Variants in ERP27 observed in about 807,000 individuals in gnomAD.
ERP27 encodes the protein endoplasmic reticulum resident protein 27.
A neutral mutation model predicts 27.7 loss-of-function variants in ERP27; 23 were observed. The ratio of observed to expected loss-of-function variants is 0.83; its 90% CI spans 0.60 to 1.18. ERP27 has a LOEUF of 1.18. Ranked by LOEUF, ERP27 falls within the 50% of genes most tolerant of loss-of-function variation. ERP27 has a pLI of 0.00. For synonymous variants in ERP27, 159 were observed against 118.3 expected (o/e 1.34, Z -2.23); for missense variants, 363 against 327.9 (o/e 1.11, Z -0.83).
chr12:14,929,090 G>C (rs1196546751), intron 3 of ERP27: 2 of 1,520,520 alleles, frequency 1.3e-6, no homozygotes, highest in East Asian at 2.4e-5. Flanking sequence ...GGAATTCCTA[G>C]GTCTGGTGCC....
intron 3 of ERP27, among the ~76,000 whole-genome samples, chr12:14,934,445 G>C (rs1283796521): frequency 6.6e-6 from 1 of 152,054 alleles, no homozygotes; most frequent in Non-Finnish European, 1.5e-5. Flanking sequence ...GGGCATACAG[G>C]AAGTATTTAA....
chr12:14,922,991 C>A (rs1863529940), intron 3 of ERP27, among the ~76,000 whole-genome samples: 1 of 151,202 alleles, frequency 6.6e-6, no homozygotes. Context: ...ATCACTTGAA[C>A]CCAGAAGGTG....
intron 3 of ERP27, among the ~76,000 whole-genome samples, chr12:14,931,077 A>T (rs1452811933): frequency 6.6e-6 from 1 of 152,214 alleles, no homozygotes; most frequent in Admixed American, 6.5e-5. Flanking sequence ...TGATTTGTAG[A>T]CAGCAATGCT....
intron 4 of ERP27, among the ~76,000 whole-genome samples, chr12:14,918,901 A>G (rs1225261126): frequency 6.6e-6 from 1 of 152,238 alleles, no homozygotes; most frequent in Non-Finnish European, 1.5e-5. Context: ...TAGAGCATTC[A>G]TTCACTATTC....
rs1863495656 is a variant in ERP27 at position 14,921,058 on chromosome 12, A to C, written c.334-10T>G. Reference sequence around the variant, plus strand: ...GTTGTTCATTGTCTACCTGGATAACACAAAAAAGAATGAAGTCACTATTCC... The same window carrying C: ...GTTGTTCATTGTCTACCTGGATAACCCAAAAAAGAATGAAGTCACTATTCC... On this transcript the variant is annotated splice_polypyrimidine_tract_variant and intron_variant, in intron 3 of 6. Coordinates refer to ENST00000266397, the MANE Select transcript of ERP27 (RefSeq NM_152321.4). The C allele has an allele frequency of 5.0e-6, 8 of 1,604,608 alleles. No individual in the cohort carries two copies. The highest frequency in any genetic ancestry group is 6.8e-6 in the Non-Finnish European group (8 of 1,171,446).
chr12:14,919,631 C>T (rs1294429286), intron 4 of ERP27, among the ~76,000 whole-genome samples: 1 of 152,092 alleles, frequency 6.6e-6, no homozygotes, highest in Admixed American at 6.5e-5. Flanking sequence ...CTGTTGAAGG[C>T]AGTGTAGGGC....
chr12:14,938,321 G>T, intron 1 of ERP27, 94 bp downstream of exon 1: 1 of 1,303,884 alleles, frequency 7.7e-7, no homozygotes. Flanking sequence ...CTTTCTAGGT[G>T]TGGAGGAAAA....
At chr12:14,938,305 G>A in intron 1 of ERP27, 110 bp downstream of exon 1, 9 of 1,168,184 alleles carry the variant, frequency 7.7e-6, no homozygotes, top group Non-Finnish European at 1.1e-5. Flanking sequence ...AGGATTTCCT[G>A]GAAAGCTTTC....
chr12:14,923,172 T>C (rs1270512521), intron 3 of ERP27, among the ~76,000 whole-genome samples: 43 of 152,094 alleles, frequency 2.8e-4, no homozygotes, highest in Non-Finnish European at 5.9e-5. Flanking sequence ...CTTGCATTAA[T>C]TGGGGCATTG....
chr12:14,918,140 T>C (rs1189451087), intron 4 of ERP27, among the ~76,000 whole-genome samples: 1 of 152,114 alleles, frequency 6.6e-6, no homozygotes, highest in African/African-American at 2.4e-5. Flanking sequence ...AAGGTCCCAG[T>C]TTTTCAAATG....
chr12:14,928,920 C>T (rs919346655), intron 3 of ERP27: 1 of 1,532,582 alleles, frequency 6.5e-7, no homozygotes, highest in Non-Finnish European at 8.7e-7. Context: ...TGCAGCTCCT[C>T]TAGATACTTA....
At chr12:14,932,193 C>A (rs945009773) in intron 3 of ERP27, among the ~76,000 whole-genome samples, 1 of 151,834 alleles carries the variant, frequency 6.6e-6, no homozygotes, top group South Asian at 2.1e-4. Flanking sequence ...TAGGTCATGG[C>A]CTAAGAGGGT....
Position 14,934,979 on chromosome 12 carries a change from T to G in ERP27, c.210A>C (p.Pro70=). The G allele has an allele frequency of 6.2e-7, 1 of 1,614,054 alleles. No homozygotes were observed. The highest frequency in any genetic ancestry group is 8.5e-7 in the Non-Finnish European group (1 of 1,179,960). The part of the protein sequence containing the change: ...VIGFFQDLEI[P]AVPILHSMVQ... ...CCATGCTATGGAGTATGGGCACTGC[T>G]GGTATTTCTAAATCCTAAAAACAAG... Residue 70 remains proline, a synonymous_variant, in exon 3 of 7, where the codon CCA becomes CCC. Coordinates refer to ENST00000266397, the MANE Select transcript of ERP27 (RefSeq NM_152321.4).
chr12:14,915,393 C>T, intron 6 of ERP27, 96 bp downstream of exon 6: 1 of 1,323,914 alleles, frequency 7.6e-7, no homozygotes, highest in Admixed American at 2.1e-5. Flanking sequence ...ACATTTTGCT[C>T]TCCTCCCTCT....
intron 4 of ERP27, among the ~76,000 whole-genome samples, chr12:14,919,394 C>T (rs1190220981): frequency 6.6e-6 from 1 of 152,148 alleles, no homozygotes; most frequent in African/African-American, 2.4e-5. Context: ...CCTGCCTTAG[C>T]TAGCTTGCAA....
At chr12:14,931,455 A>C (rs959172682) in intron 3 of ERP27, among the ~76,000 whole-genome samples, 2 of 152,164 alleles carry the variant, frequency 1.3e-5, no homozygotes, top group African/African-American at 4.8e-5. Context: ...TGTGAAAAAA[A>C]TATTTATCTG....
intron 3 of ERP27, among the ~76,000 whole-genome samples, chr12:14,923,029 G>A (rs547766055): frequency 3.2e-4 from 48 of 148,608 alleles, no homozygotes; most frequent in African/African-American, 1.0e-3. Flanking sequence ...AGCCGAGAAC[G>A]TGCCATTGCA....
At chr12:14,918,984 T>A (rs550768295) in intron 4 of ERP27, among the ~76,000 whole-genome samples, 4 of 152,230 alleles carry the variant, frequency 2.6e-5, no homozygotes, top group Non-Finnish European at 4.4e-5. Context: ...GGTACAGTTA[T>A]CTTGGCAGAA....
At chr12:14,936,205 G>GA (rs1352038264) in intron 2 of ERP27, among the ~76,000 whole-genome samples, 1 of 152,098 alleles carries the variant, frequency 6.6e-6, no homozygotes, top group African/African-American at 2.4e-5. Context: ...AAAAAAAGAA[G>GA]AAAAATAAAA....
Sources: allele counts gnomAD v4.1 joint callset (sites outside exome capture counted in the v4.1 genomes callset), GRCh38; gene constraint gnomAD v4.1.1; transcripts MANE v1.5; gene names NCBI Gene and HGNC (gene_info 2026-07-23, HGNC 2026-07-21).